The following RYR1 variants were observed in gnomAD, a reference collection of about 807,000 sequenced individuals.
RYR1 encodes ryanodine receptor 1.
Under a neutral mutation model 583.5 loss-of-function variants are expected in RYR1, and 342 were observed. The ratio of observed to expected loss-of-function variants is 0.59; its 90% CI spans 0.54 to 0.64. RYR1 has a LOEUF of 0.64. Ranked by LOEUF, RYR1 falls within the 30% of genes least tolerant of loss-of-function variation. RYR1 has a pLI of 0.00. For missense variants in RYR1, 6,032 were observed against 6,917.2 expected (o/e 0.87, Z 4.54); for synonymous variants, 2,791 against 2,822.5 (o/e 0.99, Z 0.35).
intron 84 of RYR1, among the ~76,000 whole-genome samples, chr19:38,541,288 T>A (rs1175180902): frequency 1.3e-5 from 2 of 152,218 alleles, no homozygotes; most frequent in Non-Finnish European, 2.9e-5. Flanking sequence ...CTTCTTCTTT[T>A]GTAGTTAACT....
chr19:38,506,073 G>A (rs1196534774), intron 54 of RYR1, 127 bp downstream of exon 54: 22 of 1,295,470 alleles, frequency 1.7e-5, no homozygotes, highest in Non-Finnish European at 2.1e-6. Context: ...CAAGAGGGGT[G>A]CAGAAACCTG....
chr19:38,575,278 A>G (rs1463324745), intron 96 of RYR1, among the ~76,000 whole-genome samples: 1 of 152,116 alleles, frequency 6.6e-6, no homozygotes, highest in African/African-American at 2.4e-5. Context: ...TCTTTTTTGC[A>G]CATCTGGCTC....
chr19:38,586,903 A>T (rs1195334906), intron 105 of RYR1, among the ~76,000 whole-genome samples: 1 of 152,090 alleles, frequency 6.6e-6, no homozygotes, highest in African/African-American at 2.4e-5. Context: ...CCCAGGAGGC[A>T]GAAGTTGCAG....
At chr19:38,453,589 T>C (rs1457931980) in intron 13 of RYR1, among the ~76,000 whole-genome samples, 1 of 151,240 alleles carries the variant, frequency 6.6e-6, no homozygotes, top group Admixed American at 6.6e-5. Flanking sequence ...AGGAGATCAA[T>C]AAAATAAATA....
At chr19:38,480,669 C>A (rs1389038487) in intron 31 of RYR1, among the ~76,000 whole-genome samples, 1 of 152,060 alleles carries the variant, frequency 6.6e-6, no homozygotes, top group Non-Finnish European at 1.5e-5. Context: ...TGGTTGTCCC[C>A]AAAATGTCAT....
chr19:38,464,599 T>G, intron 22 of RYR1, 40 bp from the exon 23 acceptor site: 1 of 1,530,690 alleles, frequency 6.5e-7, no homozygotes, highest in Admixed American at 2.0e-5. Context: ...CAGGGAGCTC[T>G]GAGGGGCGTG....
intron 78 of RYR1, among the ~76,000 whole-genome samples, chr19:38,533,377 G>T (rs1192723248): frequency 6.6e-6 from 1 of 152,108 alleles, no homozygotes; most frequent in Non-Finnish European, 1.5e-5. Context: ...ACTTTCTCAG[G>T]ATCATGTTTT....
rs533904013 is a variant in RYR1, at chr19:38,564,436, G to A, written c.12625-523G>A. 2.0e-5 allele frequency among the ~76,000 whole-genome samples: 3 copies of A among 152,148 alleles called. No homozygotes were observed. In the South Asian group the frequency reaches 6.2e-4, roughly 31 times the overall value. ...GCTACTCAGGAGGCCGAGGCATGGG[G>A]ATCATGTGAACCCTGGGGACGAAGG... is the stretch of plus-strand genomic sequence containing the variant. On this transcript the variant is annotated intron_variant, in intron 90 of 105. Coordinates refer to ENST00000359596, the MANE Select transcript of RYR1 (RefSeq NM_000540.3).
At chr19:38,559,586 G>C (rs1409012292) in intron 89 of RYR1, among the ~76,000 whole-genome samples, 2 of 152,002 alleles carry the variant, frequency 1.3e-5, no homozygotes, top group African/African-American at 4.8e-5. Flanking sequence ...TAGAGGGGTA[G>C]GCAAGCAGAC....
chr19:38,511,479 C>T, intron 60 of RYR1, 82 bp from the exon 61 acceptor site: 1 of 1,423,848 alleles, frequency 7.0e-7, no homozygotes, highest in East Asian at 2.3e-5. Context: ...CCTGTCTCCT[C>T]TAATTGGGTC....
intron 31 of RYR1, 69 bp downstream of exon 31, chr19:38,478,669 G>GTCCCC: frequency 6.4e-7 from 1 of 1,566,268 alleles, no homozygotes; most frequent in Non-Finnish European, 8.7e-7. Flanking sequence ...TCTTATAGAT[G>GTCCCC]TCCCCTGAGG....
intron 89 of RYR1, among the ~76,000 whole-genome samples, chr19:38,554,152 G>T (rs1157930530): frequency 6.6e-6 from 1 of 151,732 alleles, no homozygotes; most frequent in Non-Finnish European, 1.5e-5. Context: ...GCTGAGGAAG[G>T]CTGTAGTATT....
chr19:38,523,659 T>C (rs1278686893), intron 69 of RYR1: 11 of 611,108 alleles, frequency 1.8e-5, no homozygotes, highest in South Asian at 3.9e-5. Context: ...CTCCCCATTT[T>C]CCCCCTCTTC....
chr19:38,490,059 C>G lies in RYR1; in HGVS notation c.5815-17C>G, dbSNP rs768231298. The G allele has an allele frequency of 2.0e-5, 32 of 1,613,086 alleles. No homozygotes were observed. Among genetic ancestry groups the G allele is most frequent in the Non-Finnish European group, 2.7e-5 (32 of 1,179,682 alleles). ...TCTCACCTCCATCTCTCCTCCCACACGGCTGTCCTTCCACAGATGTGCCAC... is the reference window on the plus strand; with the variant it reads ...TCTCACCTCCATCTCTCCTCCCACAGGGCTGTCCTTCCACAGATGTGCCAC... On this transcript the variant is annotated splice_polypyrimidine_tract_variant and intron_variant, in intron 35 of 105. Coordinates refer to ENST00000359596, the MANE Select transcript of RYR1 (RefSeq NM_000540.3).
intron 70 of RYR1, among the ~76,000 whole-genome samples, chr19:38,524,186 CAAAAAAAAAAA>C (rs56388141): frequency 4.8e-5 from 4 of 84,138 alleles, no homozygotes; most frequent in Non-Finnish European, 9.7e-5. Flanking sequence ...CTTTTGTTCC[CAAAAAAAAAAA>C]AAAAAAGAAA....
rs1555775537 is a variant in RYR1, at chr19:38,473,031, A to AG, written c.3766-345dup. ...ACTGTGTCTCAAAAAAAAAAAAAAA[A>AG]GCATTGAAGTTGAGCTGCCTGGTTA... On this transcript the variant is annotated intron_variant, in intron 27 of 105. Coordinates refer to ENST00000359596, the MANE Select transcript of RYR1 (RefSeq NM_000540.3). Among the ~76,000 whole-genome samples the AG allele has an allele frequency of 5.5e-3, 833 of 150,968 alleles. 13 individuals are homozygous for AG. The highest frequency in any genetic ancestry group is 0.018 in the African/African-American group (739 of 41,100).
intron 89 of RYR1, among the ~76,000 whole-genome samples, chr19:38,558,088 C>T (rs1452712081): frequency 6.6e-6 from 1 of 152,030 alleles, no homozygotes; most frequent in Non-Finnish European, 1.5e-5. Context: ...GTGGGAGGAT[C>T]GCTTGAGCCC....
At position 38,514,956 on chromosome 19, in the gene RYR1, C is replaced by G. The variant is rs1970890326; in HGVS notation, c.9473-70C>G. On this transcript the variant is annotated intron_variant, in intron 63 of 105. Transcript: ENST00000359596. ...CCCCACTGCATGGGCCTATTTGAGA[C>G]AAGGGAGGTGGGGTGGGGAGGGCTT... 9.6e-6 allele frequency: 10 copies of G among 1,042,436 alleles called. No individual in the cohort carries two copies. The East Asian group carries it at 2.4e-4, about 25-fold the overall frequency. The allele number at this position is 1,042,436 out of a possible 1,614,324, so 64.6% of individuals were successfully genotyped here.
intron 66 of RYR1, 99 bp from the exon 67 acceptor site, chr19:38,519,115 G>C: frequency 6.3e-7 from 1 of 1,593,576 alleles, no homozygotes; most frequent in South Asian, 1.1e-5. Context: ...AATGGCAGCT[G>C]CTAGGTTGGA....
Sources: gnomAD v4.1 joint callset for allele counts (sites outside exome capture counted in the v4.1 genomes callset) on GRCh38, gnomAD v4.1.1 for gene constraint, MANE v1.5 for transcripts, NCBI Gene and HGNC (gene_info 2026-07-23, HGNC 2026-07-21) for gene names.